SAMD5: variants seen among roughly 807,000 people sequenced by gnomAD.
SAMD5 encodes sterile alpha motif domain containing 5.
In SAMD5, 13 loss-of-function variants were observed where a neutral mutation model predicts 11.3. That is an observed-to-expected ratio of 1.15 (90% CI 0.75 to 1.83). The LOEUF is 1.83. Among genes scored for constraint, SAMD5 ranks in the 40% most tolerant of loss-of-function variants. The pLI is 0.00. For missense variants in SAMD5, 255 were observed against 239.1 expected (o/e 1.07, Z -0.44); for synonymous variants, 129 against 111.3 (o/e 1.16, Z -1.00).
the SAMD5 span, among the ~76,000 whole-genome samples, chr6:147,937,427 T>C: frequency 6.6e-6 from 1 of 152,150 alleles, no homozygotes; most frequent in Admixed American, 6.5e-5. Flanking sequence ...CTTATTGGAA[T>C]TGGTTGACCA....
intron 1 of SAMD5, among the ~76,000 whole-genome samples, chr6:147,718,775 C>T (rs1562359212): frequency 6.6e-6 from 1 of 152,020 alleles, no homozygotes; most frequent in African/African-American, 2.4e-5. Context: ...ACTGCAGCCT[C>T]CCCCTCCCAG....
At position 147,579,262 on chromosome 6, in the gene SAMD5, A is replaced by G. The variant is rs201666429; in HGVS notation, c.162+69875A>G. Among the ~76,000 whole-genome samples the G allele has an allele frequency of 9.2e-5, 14 of 152,320 alleles. No homozygotes were observed. In the East Asian group the frequency reaches 2.7e-3, roughly 29 times the overall value. On this transcript the variant is annotated intron_variant, in intron 1 of 1. Transcript: ENST00000566741. ...TCCTGATACATGCTTACATACTGGG[A>G]AAGTAAAGAGAAGATGTATATAACT...
At chr6:147,784,513 G>A in the SAMD5 span, among the ~76,000 whole-genome samples, 1 of 152,096 alleles carries the variant, frequency 6.6e-6, no homozygotes, top group Non-Finnish European at 1.5e-5. Context: ...TATATGTTTT[G>A]TTTACTGCCA....
chr6:147,538,328 G>A (rs960630792), intron 1 of SAMD5, among the ~76,000 whole-genome samples: 1 of 152,008 alleles, frequency 6.6e-6, no homozygotes, highest in Non-Finnish European at 1.5e-5. Flanking sequence ...ACTCTTTTAG[G>A]TTAAGACAAT....
the SAMD5 span, among the ~76,000 whole-genome samples, chr6:147,784,820 A>G: frequency 6.6e-6 from 1 of 152,236 alleles, no homozygotes. Flanking sequence ...ACAGTCTGGT[A>G]TTTAAAGTCA....
chr6:147,716,984 T>G (rs926186662), intron 1 of SAMD5, among the ~76,000 whole-genome samples: 1 of 152,216 alleles, frequency 6.6e-6, no homozygotes, highest in Non-Finnish European at 1.5e-5. Context: ...CAGCCTATTC[T>G]CCATACATCT....
chr6:147,538,570 C>G (rs574490371), intron 1 of SAMD5, among the ~76,000 whole-genome samples: 1 of 152,132 alleles, frequency 6.6e-6, no homozygotes, highest in African/African-American at 2.4e-5. Context: ...GATCCTAGGA[C>G]GTCAGACAGA....
intron 1 of SAMD5, among the ~76,000 whole-genome samples, chr6:147,539,386 A>C (rs1788563826): frequency 6.6e-6 from 1 of 152,182 alleles, no homozygotes; most frequent in East Asian, 1.9e-4. Flanking sequence ...GTATCCCTCC[A>C]TAACTATTAT....
intron 1 of SAMD5, among the ~76,000 whole-genome samples, chr6:147,511,355 C>T (rs1788085743): frequency 6.6e-6 from 1 of 152,218 alleles, no homozygotes; most frequent in Admixed American, 6.5e-5. Flanking sequence ...GGTCTCCTGC[C>T]TAGATCAGTG....
At chr6:147,812,932 C>G in the SAMD5 span, among the ~76,000 whole-genome samples, 4,591 of 152,240 alleles carry the variant, frequency 0.03, 99 homozygotes, top group Middle Eastern at 0.051. Flanking sequence ...CTCTCATTAC[C>G]TATTAAAATG....
chr6:147,677,205 T>C (rs1392852965), intron 1 of SAMD5, among the ~76,000 whole-genome samples: 1 of 152,088 alleles, frequency 6.6e-6, no homozygotes, highest in Non-Finnish European at 1.5e-5. Flanking sequence ...CCTCTCTGTA[T>C]TGGACAAGGC....
chr6:147,695,429 A>G (rs1791161641), intron 1 of SAMD5, among the ~76,000 whole-genome samples: 1 of 152,206 alleles, frequency 6.6e-6, no homozygotes, highest in South Asian at 2.1e-4. Flanking sequence ...AGGTGATACC[A>G]TAGCTTTTGC....
At chr6:147,662,228 A>G (rs1790659165) in intron 1 of SAMD5, among the ~76,000 whole-genome samples, 1 of 152,202 alleles carries the variant, frequency 6.6e-6, no homozygotes, top group South Asian at 2.1e-4. Flanking sequence ...ATACTTCTCA[A>G]TGACACAGCT....
chr6:147,656,898 ACGTGTG>A (rs1790576502), intron 1 of SAMD5, among the ~76,000 whole-genome samples: 2 of 51,430 alleles, frequency 3.9e-5, no homozygotes, highest in African/African-American at 7.9e-5. Context: ...AATACAGTAT[ACGTGTG>A]TGTGTGTGTG....
chr6:147,693,200 A>G (rs1177787432), intron 1 of SAMD5, among the ~76,000 whole-genome samples: 1 of 152,184 alleles, frequency 6.6e-6, no homozygotes, highest in African/African-American at 2.4e-5. Flanking sequence ...TTTTCACCTC[A>G]GCCTTTTCTT....
chr6:147,606,677 G>C (rs1407089971), intron 1 of SAMD5, among the ~76,000 whole-genome samples: 1 of 151,616 alleles, frequency 6.6e-6, no homozygotes, highest in Non-Finnish European at 1.5e-5. Context: ...AACTGTGCCA[G>C]GCACTAGTCT....
intron 1 of SAMD5, among the ~76,000 whole-genome samples, chr6:147,584,770 C>G (rs1214429705): frequency 6.6e-6 from 1 of 152,004 alleles, no homozygotes; most frequent in Non-Finnish European, 1.5e-5. Flanking sequence ...AGTTTCAGAC[C>G]ACTAATTAGA....
At chr6:147,671,889 A>ATTTTTTTTTTTTTTTTTTTTTTTTGT (rs56865442) in intron 1 of SAMD5, among the ~76,000 whole-genome samples, 5 of 98,068 alleles carry the variant, frequency 5.1e-5, no homozygotes, top group Non-Finnish European at 6.0e-5. Context: ...CTTTTTCAGG[A>ATTTTTTTTTTTTTTTTTTTTTTTTGT]TTTTTTTTTT....
chr6:147,574,530 TGAG>T (rs1308062965), downstream of SAMD5, among the ~76,000 whole-genome samples: 1 of 152,202 alleles, frequency 6.6e-6, no homozygotes, highest in Admixed American at 6.5e-5. Context: ...GCTTGAGGGT[TGAG>T]GAGACCAGAT....
Sources: allele counts gnomAD v4.1 joint callset (sites outside exome capture counted in the v4.1 genomes callset), GRCh38; gene constraint gnomAD v4.1.1; transcripts MANE v1.5; gene names NCBI Gene and HGNC (gene_info 2026-07-23, HGNC 2026-07-21).